Variants in PAXBP1 observed in about 807,000 individuals in gnomAD.
PAXBP1 encodes PAX3 and PAX7 binding protein 1, also known as PAX3- and PAX7-binding protein 1.
A neutral mutation model predicts 119.9 loss-of-function variants in PAXBP1; 44 were observed. The observed-to-expected ratio is 0.37, with a 90% CI of 0.29 to 0.47. The LOEUF is 0.47. Among genes scored for constraint, PAXBP1 ranks in the 20% least tolerant of loss-of-function variants. The pLI, the probability that PAXBP1 is intolerant of heterozygous loss-of-function variation, is 0.99. For missense variants in PAXBP1, 898 were observed against 1,134.1 expected, an observed-to-expected ratio of 0.79 and a Z score of 2.99; for synonymous variants, 393 against 406.6, an observed-to-expected ratio of 0.97 and a Z score of 0.40.
chr21:32,748,645 A>G lies in PAXBP1; in HGVS notation c.1777T>C (p.Tyr593His). The G allele has an allele frequency of 1.2e-6, 2 of 1,613,600 alleles. No individual in the cohort carries two copies. Among genetic ancestry groups the G allele is most frequent in the Non-Finnish European group, 1.7e-6 (2 of 1,179,680 alleles). Residue 593 changes from tyrosine to histidine, a missense_variant, in exon 11 of 18, where the codon TAT (tyrosine) becomes CAT (histidine). Around this residue, in one of 2 missense-constraint regions of PAXBP1, gnomAD observed 599 missense variants for 852.7 expected, o/e 0.70. Transcript: ENST00000331923. ...TGTGATTTAATACAGTCAATTGAAT[A>G]GAAACTTTCAAGGACATCTTCAAAA... The part of the protein sequence containing the change: ...KVFEDVLESF[Y>H]SIDCIKSQFE...
chr21:32,762,203 C>G lies in PAXBP1; in HGVS notation c.764G>C (p.Arg255Thr), dbSNP rs2044161239. 6.2e-7 allele frequency: 1 copy of G among 1,614,070 alleles called. No individual in the cohort carries two copies. The highest frequency in any genetic ancestry group is 8.5e-7 in the Non-Finnish European group (1 of 1,180,042). Reference sequence around the variant, plus strand: ...ATCACTGGCATCATTCTCATCTTCTCTAACAAGGCGGCCTTTACCAGGCTC... The same window carrying G: ...ATCACTGGCATCATTCTCATCTTCTGTAACAAGGCGGCCTTTACCAGGCTC... Reference protein sequence around the residue: ...DNEPGKGRLVREDENDASDDE... With the variant: ...DNEPGKGRLVTEDENDASDDE... The change falls in exon 4 of 18, where the codon AGA becomes ACA. Residue 255 changes from arginine (R) to threonine (T), a missense_variant. Physicochemically the swap from Arg to Thr is moderately conservative, Grantham distance 71. Around this residue, in one of 2 missense-constraint regions of PAXBP1, gnomAD observed 599 missense variants for 852.7 expected, o/e 0.70. Transcript: ENST00000331923.
chr21:32,765,357 T>C (rs1015930038), intron 2 of PAXBP1, among the ~76,000 whole-genome samples: 2 of 152,174 alleles, frequency 1.3e-5, no homozygotes, highest in Non-Finnish European at 2.9e-5. Flanking sequence ...CACCACTACA[T>C]CTTAATGATA....
chr21:32,754,943 G>A (rs371639010), intron 8 of PAXBP1, among the ~76,000 whole-genome samples: 3 of 152,064 alleles, frequency 2.0e-5, no homozygotes, highest in South Asian at 2.1e-4. Context: ...CATAAAATAC[G>A]GATAATGTCT....
At chr21:32,754,397 A>G (rs1199101208) in intron 8 of PAXBP1, among the ~76,000 whole-genome samples, 2 of 152,208 alleles carry the variant, frequency 1.3e-5, no homozygotes, top group Non-Finnish European at 2.9e-5. Flanking sequence ...AAATGCTGAC[A>G]AAGGGAACAA....
intron 2 of PAXBP1, among the ~76,000 whole-genome samples, chr21:32,767,550 A>C (rs1205783719): frequency 2.6e-5 from 4 of 152,242 alleles, no homozygotes; most frequent in Admixed American, 2.6e-4. Context: ...CAGAATTCCT[A>C]CGTGTTGTGG....
intron 2 of PAXBP1, among the ~76,000 whole-genome samples, chr21:32,768,065 A>C (rs2044273208): frequency 6.6e-6 from 1 of 152,206 alleles, no homozygotes; most frequent in African/African-American, 2.4e-5. Context: ...GTCCTCTCCA[A>C]AACTCATGTT....
chr21:32,771,103 C>G (rs559587539), intron 1 of PAXBP1, among the ~76,000 whole-genome samples: 3 of 152,338 alleles, frequency 2.0e-5, no homozygotes, highest in African/African-American at 7.2e-5. Context: ...GAGCTCCGGC[C>G]CCGTGGCAGA....
chr21:32,765,967 T>C (rs1009937557), intron 2 of PAXBP1, among the ~76,000 whole-genome samples: 1 of 152,130 alleles, frequency 6.6e-6, no homozygotes, highest in African/African-American at 2.4e-5. Context: ...AGACCCTGTC[T>C]CTACTAAACA....
At chr21:32,760,896 T>C (rs2044130018) in intron 5 of PAXBP1, among the ~76,000 whole-genome samples, 163 bp downstream of exon 5, 1 of 111,288 alleles carries the variant, frequency 9.0e-6, no homozygotes, top group African/African-American at 3.3e-5. Flanking sequence ...TCTGTGTGCG[T>C]GCGTGCGTGT....
chr21:32,739,349 G>A (rs1167958824), intron 15 of PAXBP1, among the ~76,000 whole-genome samples: 2 of 152,180 alleles, frequency 1.3e-5, no homozygotes, highest in Non-Finnish European at 2.9e-5. Context: ...ATGACCTTGT[G>A]CAGGTTATTG....
At chr21:32,768,858 C>A (rs1396499737) in intron 2 of PAXBP1, among the ~76,000 whole-genome samples, 1 of 152,192 alleles carries the variant, frequency 6.6e-6, no homozygotes. Flanking sequence ...TGTACTTGTT[C>A]TTTTCCAAAA....
At chr21:32,738,865 C>A (rs915205470) in intron 15 of PAXBP1, among the ~76,000 whole-genome samples, 1 of 152,198 alleles carries the variant, frequency 6.6e-6, no homozygotes, top group Non-Finnish European at 1.5e-5. Flanking sequence ...CTTATAGTTT[C>A]CCAGTTGTTT....
At chr21:32,741,474 G>A (rs1455269143) in intron 15 of PAXBP1, 6 of 753,762 alleles carry the variant, frequency 8.0e-6, no homozygotes, top group Non-Finnish European at 1.5e-5. Flanking sequence ...CAGGCATGCA[G>A]AAACATGACT....
At chr21:32,765,872 G>A (rs1433499487) in intron 2 of PAXBP1, among the ~76,000 whole-genome samples, 1 of 121,248 alleles carries the variant, frequency 8.2e-6, no homozygotes, top group Admixed American at 7.9e-5. Context: ...CAGGCATGGT[G>A]GCTCACGCCT....
chr21:32,741,738 T>TC (rs1405602634), intron 15 of PAXBP1: 1 of 519,290 alleles, frequency 1.9e-6, no homozygotes, highest in Non-Finnish European at 3.5e-6. Context: ...GAAAAGGGGT[T>TC]CTGGTGTCTA....
chr21:32,745,504 T>G, intron 12 of PAXBP1, 70 bp downstream of exon 12: 1 of 1,571,622 alleles, frequency 6.4e-7, no homozygotes, highest in Middle Eastern at 1.7e-4. Flanking sequence ...CTCTGAATTA[T>G]AAACTCATAA....
At chr21:32,746,506 C>T (rs151062264) in intron 11 of PAXBP1, among the ~76,000 whole-genome samples, 368 of 152,276 alleles carry the variant, frequency 2.4e-3, no homozygotes, top group African/African-American at 8.6e-3. Context: ...AAAAAAAGCT[C>T]AACATCACCG....
At position 32,755,295 on chromosome 21, in the gene PAXBP1, G is replaced by T. The variant is rs748566946; in HGVS notation, c.1442C>A (p.Ser481Tyr). ...ATCTTGTCGTCTTTGGACAAGGCGG[G>T]AAGCTCGCTGTTTGTACAGCTGATG... ...AIHQLYKQRA[S>Y]RLVQRRQDDI... The change falls in exon 8 of 18, where the codon TCC becomes TAC. Residue 481 changes from serine (S) to tyrosine (Y), a missense_variant. Physicochemically the swap from Ser to Tyr is moderately radical, Grantham distance 144. This residue lies in a region of PAXBP1 where 599 missense variants were observed against 852.7 expected (regional missense o/e 0.70). Coordinates refer to ENST00000331923, the MANE Select transcript of PAXBP1 (RefSeq NM_016631.4). 1 of 1,613,622 alleles carries T rather than the reference G, an allele frequency of 6.2e-7. No homozygotes were observed. The highest frequency in any genetic ancestry group is 8.5e-7 in the Non-Finnish European group (1 of 1,179,736).
intron 2 of PAXBP1, among the ~76,000 whole-genome samples, chr21:32,767,426 C>G (rs1450710857): frequency 6.6e-6 from 1 of 152,136 alleles, no homozygotes; most frequent in East Asian, 1.9e-4. Flanking sequence ...TGGAAGAGGT[C>G]AGAGATGGCT....
Sources: allele counts gnomAD v4.1 joint callset (sites outside exome capture counted in the v4.1 genomes callset), GRCh38; gene constraint gnomAD v4.1.1; regional missense constraint gnomAD v4.1.1; transcripts MANE v1.5; gene names NCBI Gene and HGNC (gene_info 2026-07-23, HGNC 2026-07-21).